HOXA3: variants seen among roughly 807,000 people sequenced by gnomAD.
HOXA3 encodes the protein homeobox A3.
HOXA3 carries 8 observed loss-of-function variants against 30.3 expected under a neutral mutation model. The ratio of observed to expected loss-of-function variants is 0.26; its 90% confidence interval spans 0.15 to 0.48. The LOEUF is 0.48. Among genes scored for constraint, HOXA3 ranks in the 20% least tolerant of loss-of-function variants. The pLI is 0.99. For synonymous variants in HOXA3, 323 were observed against 273.1 expected (o/e 1.18, Z -1.80); for missense variants, 653 against 614.4 (o/e 1.06, Z -0.66).
intron 1 of HOXA3, among the ~76,000 whole-genome samples, chr7:27,146,671 C>T (rs1782778321): frequency 6.6e-6 from 1 of 152,050 alleles, no homozygotes. Flanking sequence ...CAAAGTTCCC[C>T]AAGGGTGGTG....
At chr7:27,137,091 G>A (rs1253890300) in intron 2 of HOXA3, among the ~76,000 whole-genome samples, 1 of 152,180 alleles carries the variant, frequency 6.6e-6, no homozygotes, top group Non-Finnish European at 1.5e-5. Flanking sequence ...TAAAAGGATT[G>A]TTTTCCTCTT....
At chr7:27,123,118 CCTCA>C (rs1785114740) in intron 3 of HOXA3, 1 of 152,252 alleles carries the variant, frequency 6.6e-6, no homozygotes, top group Non-Finnish European at 1.5e-5. Context: ...TCTCCTGAAA[CCTCA>C]CTAATATGTG....
intron 4 of HOXA3, among the ~76,000 whole-genome samples, chr7:27,112,273 T>C (rs1315356159): frequency 2.0e-5 from 3 of 152,132 alleles, no homozygotes; most frequent in African/African-American, 4.8e-5. Flanking sequence ...AATCCAACTA[T>C]GTATATTGAG....
intron 2 of HOXA3, chr7:27,129,845 G>T: frequency 1.6e-6 from 1 of 607,456 alleles, no homozygotes; most frequent in African/African-American, 1.8e-5. Flanking sequence ...CCTCTGCCAG[G>T]GCAATTAAAT....
chr7:27,119,156 C>A (rs540346265), intron 4 of HOXA3, among the ~76,000 whole-genome samples: 2 of 141,634 alleles, frequency 1.4e-5, no homozygotes, highest in Non-Finnish European at 3.1e-5. Context: ...GACCCCCCCC[C>A]CCAAAAAAAA....
intron 1 of HOXA3, chr7:27,140,665 T>G (rs1782532252): frequency 2.0e-5 from 3 of 152,192 alleles, no homozygotes; most frequent in Admixed American, 2.0e-4. Context: ...CAGACAGACA[T>G]AGCAGCGTCT....
intron 2 of HOXA3, among the ~76,000 whole-genome samples, chr7:27,138,812 A>C (rs1011873469): frequency 2.0e-5 from 3 of 152,250 alleles, no homozygotes; most frequent in African/African-American, 7.2e-5. Context: ...AAACAGAAAG[A>C]GCAACTAACA....
At chr7:27,130,588 G>C in intron 2 of HOXA3, 1 of 1,515,814 alleles carries the variant, frequency 6.6e-7, no homozygotes, top group Non-Finnish European at 8.8e-7. Flanking sequence ...GTGCTGGGTC[G>C]GGGGCGCTGG....
intron 1 of HOXA3, chr7:27,151,683 TAA>T: frequency 2.2e-6 from 1 of 456,662 alleles, no homozygotes; most frequent in Non-Finnish European, 4.4e-6. Context: ...GCTGAATTAG[TAA>T]GTTTTTCTGT....
chr7:27,121,687 C>G (rs17449073), intron 4 of HOXA3, among the ~76,000 whole-genome samples: 1 of 152,272 alleles, frequency 6.6e-6, no homozygotes, highest in East Asian at 1.9e-4. Flanking sequence ...AATACAAAAT[C>G]TCAAAACTTT....
At chr7:27,111,247 C>T (rs1317185881) in intron 4 of HOXA3, among the ~76,000 whole-genome samples, 1 of 152,146 alleles carries the variant, frequency 6.6e-6, no homozygotes, top group Non-Finnish European at 1.5e-5. Context: ...TGATGTTTGC[C>T]AAAAGAGCCC....
intron 2 of HOXA3, chr7:27,130,764 T>C: frequency 6.3e-7 from 1 of 1,583,488 alleles, no homozygotes; most frequent in Non-Finnish European, 8.6e-7. Context: ...TACTAATTTT[T>C]CTCGCGTTGT....
rs753285721 is a variant in HOXA3, at chr7:27,113,080, A to G, written c.-120-2320T>C. 7.2e-5 allele frequency among the ~76,000 whole-genome samples: 11 copies of G among 151,998 alleles called. No individual in the cohort carries two copies. The highest frequency in any genetic ancestry group is 1.6e-4 in the Non-Finnish European group (11 of 67,990). ...CCCCAAAGTTTGCAACCTAGTAAAG[A>G]AGTTGGAGATTTGCCAGCCAGGAAA... On this transcript the variant is annotated intron_variant, in intron 4 of 5. Coordinates refer to ENST00000612286, the MANE Select transcript of HOXA3 (RefSeq NM_153631.3). The surrounding 1 kb of genome is among the most constrained non-coding windows in gnomAD (Gnocchi z 4.8).
rs536536955 is a variant in HOXA3, at chr7:27,114,854, T to A, written c.-120-4094A>T. On this transcript the variant is annotated intron_variant, in intron 4 of 5. Transcript: ENST00000612286. ...TATATATTATATATATAATATATAT[T>A]ATATATATAATATATATTATATATA... Among the ~76,000 whole-genome samples, 227 of 102,412 alleles carry A rather than the reference T, an allele frequency of 2.2e-3. 5 individuals are homozygous for A. The highest frequency in any genetic ancestry group is 5.7e-3 in the African/African-American group (170 of 29,922). 67.2% of individuals were successfully genotyped at this position (102,412 alleles called of 152,430 possible).
chr7:27,117,305 A>G (rs914944931), intron 4 of HOXA3, among the ~76,000 whole-genome samples: 3 of 152,202 alleles, frequency 2.0e-5, no homozygotes, highest in African/African-American at 7.2e-5. Context: ...GAACTCTCCA[A>G]GCCAGCTGGG....
intron 2 of HOXA3, among the ~76,000 whole-genome samples, chr7:27,132,799 C>T (rs956358899): frequency 1.3e-5 from 2 of 152,246 alleles, no homozygotes; most frequent in Non-Finnish European, 2.9e-5. Flanking sequence ...ATACGTATTA[C>T]AAATCTGAAC....
intron 4 of HOXA3, among the ~76,000 whole-genome samples, chr7:27,111,631 C>A (rs1192580657): frequency 6.6e-6 from 1 of 152,138 alleles, no homozygotes; most frequent in Non-Finnish European, 1.5e-5. Flanking sequence ...GCCACCCCCA[C>A]TTCTTTACTT....
intron 2 of HOXA3, among the ~76,000 whole-genome samples, chr7:27,135,909 T>C (rs1300853725): frequency 6.6e-6 from 1 of 152,228 alleles, no homozygotes. Flanking sequence ...GGAGCGATAA[T>C]TCAAGATGAG....
At chr7:27,114,880 T>TTATATATA (rs11271601) in intron 4 of HOXA3, among the ~76,000 whole-genome samples, 1 of 98,402 alleles carries the variant, frequency 1.0e-5, no homozygotes, top group Non-Finnish European at 2.1e-5. Flanking sequence ...ATTATATATA[T>TTATATATA]GTATATACAT....
Sources: gnomAD v4.1 joint callset for allele counts (sites outside exome capture counted in the v4.1 genomes callset) on GRCh38, gnomAD v4.1.1 for gene constraint, Gnocchi (gnomAD v3.1) non-coding constraint, MANE v1.5 for transcripts, NCBI Gene and HGNC (gene_info 2026-07-23, HGNC 2026-07-21) for gene names.